The following CCDC102B variants were observed in gnomAD, a reference collection of about 807,000 sequenced individuals.
CCDC102B encodes the protein coiled-coil domain-containing protein 102B.
CCDC102B carries 75 observed loss-of-function variants against 57.4 expected under a neutral mutation model. The ratio of observed to expected loss-of-function variants is 1.31; its 90% CI spans 1.08 to 1.58. The LOEUF (loss-of-function observed/expected upper bound fraction) is 1.58. CCDC102B is among the 40% of genes most tolerant of loss of function. CCDC102B has a pLI of 0.00. For missense variants in CCDC102B, 636 were observed against 582.6 expected, an observed-to-expected ratio of 1.09 and a Z score of -0.94; for synonymous variants, 206 against 201.9, an observed-to-expected ratio of 1.02 and a Z score of -0.17.
At chr18:68,901,920 T>C (rs1013242111) in intron 6 of CCDC102B, among the ~76,000 whole-genome samples, 1 of 152,136 alleles carries the variant, frequency 6.6e-6, no homozygotes, top group African/African-American at 2.4e-5. Context: ...CTACTGTCGA[T>C]GTAAGATATA....
intron 5 of CCDC102B, among the ~76,000 whole-genome samples, chr18:68,883,242 AC>A (rs1329929057): frequency 1.3e-5 from 2 of 152,110 alleles, no homozygotes; most frequent in South Asian, 2.1e-4. Flanking sequence ...CCCAGTGTCT[AC>A]TAAAAAAAAT....
chr18:68,752,251 C>A (rs1330387385), intron 2 of CCDC102B, among the ~76,000 whole-genome samples: 1 of 151,848 alleles, frequency 6.6e-6, no homozygotes, highest in Admixed American at 6.6e-5. Context: ...CAGAGCGAGA[C>A]TCTGTCTCAA....
intron 4 of CCDC102B, among the ~76,000 whole-genome samples, chr18:68,849,658 G>C (rs912784384): frequency 3.3e-5 from 5 of 152,100 alleles, no homozygotes; most frequent in African/African-American, 1.2e-4. Flanking sequence ...TCAGTGGATA[G>C]CTGCCTTCCA....
intron 6 of CCDC102B, among the ~76,000 whole-genome samples, chr18:68,996,146 G>A (rs1346798136): frequency 1.3e-5 from 2 of 152,160 alleles, no homozygotes; most frequent in Non-Finnish European, 2.9e-5. Context: ...CAGTGGACTG[G>A]GAGAGGCAGA....
intron 1 of CCDC102B, among the ~76,000 whole-genome samples, chr18:68,832,083 G>A (rs1220054152): frequency 6.6e-6 from 1 of 151,188 alleles, no homozygotes; most frequent in Non-Finnish European, 1.5e-5. Flanking sequence ...TATTTTGTGT[G>A]CATTACAGGT....
rs114809405 is a variant in CCDC102B, at chr18:69,052,181, G to A, written c.1435-1849G>A. On this transcript the variant is annotated intron_variant, in intron 7 of 7. Transcript: ENST00000360242. ...TGGAAAAATGCCAAAATAGAGTAAT[G>A]AGCAAAAGGCCTGAATAAACATACA... Among the ~76,000 whole-genome samples, 746 of 151,816 alleles carry A rather than the reference G, an allele frequency of 4.9e-3. 5 individuals carry two copies. The highest frequency in any genetic ancestry group is 0.017 in the African/African-American group (715 of 41,480).
At chr18:68,841,661 T>C (rs1447542240) in intron 3 of CCDC102B, among the ~76,000 whole-genome samples, 1 of 152,200 alleles carries the variant, frequency 6.6e-6, no homozygotes, top group East Asian at 1.9e-4. Context: ...CTTTATCACT[T>C]GTAAAATGTT....
In CCDC102B at chr18:68,763,392, TC is replaced by T. The variant is rs150828902; in HGVS notation, c.-67+46799del. Among the ~76,000 whole-genome samples the T allele has an allele frequency of 5.7e-3, 864 of 152,262 alleles. 5 individuals carry two copies. Among genetic ancestry groups the T allele is most frequent in the East Asian group, 0.043 (224 of 5,168 alleles). ...TGCCCCTTTCTCTCTTGTATCCTTT[TC>T]ATTCCTCCCTAGAGGAGAGGATAAA... On this transcript the variant is annotated intron_variant, in intron 2 of 3. Coordinates refer to the CCDC102B transcript ENST00000578970.
chr18:68,771,097 G>T (rs983987926), intron 2 of CCDC102B, among the ~76,000 whole-genome samples: 7 of 152,180 alleles, frequency 4.6e-5, no homozygotes, highest in Non-Finnish European at 7.4e-5. Context: ...CCAGATTTGG[G>T]ATCTTGTGCC....
rs1466313514 is a variant in CCDC102B, at chr18:69,012,371, T to A, written c.1434+1267T>A. Reference sequence around the variant, plus strand: ...ACTAAATTATTGGTAAGGAAATAATTTCTTCTAGGGTTCGTGGACTAATGA... The same window carrying A: ...ACTAAATTATTGGTAAGGAAATAATATCTTCTAGGGTTCGTGGACTAATGA... On this transcript the variant is annotated intron_variant, in intron 7 of 7. Coordinates refer to ENST00000360242, the MANE Select transcript of CCDC102B (RefSeq NM_024781.3). Among the ~76,000 whole-genome samples, 7 of 152,264 alleles carry A rather than the reference T, an allele frequency of 4.6e-5. No homozygotes were observed. In the South Asian group the frequency reaches 6.2e-4, roughly 14 times the overall value.
chr18:69,054,121 A>G lies in CCDC102B; in HGVS notation c.1526A>G (p.His509Arg), dbSNP rs749460894. ...RNENLETELR[H>R]LQNW ...GAAAACTTAGAGACTGAACTCAGGCACTTGCAAAACTGGTAATTTTTTCAC... is the reference window on the plus strand; with the variant it reads ...GAAAACTTAGAGACTGAACTCAGGCGCTTGCAAAACTGGTAATTTTTTCAC... The change falls in exon 8 of 8, where the codon CAC becomes CGC. Residue 509 changes from histidine (H) to arginine (R), a missense_variant. Physicochemically the swap from His to Arg is conservative, Grantham distance 29 (BLOSUM62 0). Transcript: ENST00000360242. 3 of 1,600,892 alleles carry G rather than the reference A, an allele frequency of 1.9e-6. No homozygotes were observed. The highest frequency in any genetic ancestry group is 3.5e-5 in the Admixed American group (2 of 56,680).
chr18:68,914,945 C>G (rs1458094223), intron 6 of CCDC102B, among the ~76,000 whole-genome samples: 2 of 150,096 alleles, frequency 1.3e-5, no homozygotes, highest in African/African-American at 2.5e-5. Flanking sequence ...TGAGGACTTA[C>G]TGTATTTTTG....
At chr18:69,057,038 T>C (rs1214678104), downstream of CCDC102B, among the ~76,000 whole-genome samples, 1 of 152,078 alleles carries the variant, frequency 6.6e-6, no homozygotes, top group Non-Finnish European at 1.5e-5. Context: ...GGTTTATTCA[T>C]GTTGCATGTG....
At chr18:68,974,399 C>A (rs1361428435) in intron 6 of CCDC102B, among the ~76,000 whole-genome samples, 3 of 152,130 alleles carry the variant, frequency 2.0e-5, no homozygotes, top group Admixed American at 2.0e-4. Flanking sequence ...TATTAAATTT[C>A]TTTTCATTAT....
intron 6 of CCDC102B, among the ~76,000 whole-genome samples, chr18:68,939,513 T>C (rs969681696): frequency 5.9e-5 from 9 of 151,778 alleles, no homozygotes; most frequent in Admixed American, 3.3e-4. Context: ...TTATAAATAT[T>C]ATATTTAAAT....
chr18:69,053,416 T>C (rs957141260), intron 7 of CCDC102B, among the ~76,000 whole-genome samples: 4 of 151,600 alleles, frequency 2.6e-5, no homozygotes, highest in African/African-American at 9.7e-5. Flanking sequence ...AAAACACAAG[T>C]TATAGTTCAG....
chr18:68,994,084 T>C (rs1240158530), intron 6 of CCDC102B, among the ~76,000 whole-genome samples: 1 of 131,808 alleles, frequency 7.6e-6, no homozygotes, highest in East Asian at 2.2e-4. Context: ...ACAGTGTATA[T>C]GTTGGACATT....
chr18:68,991,989 A>C (rs2050880125), intron 6 of CCDC102B, among the ~76,000 whole-genome samples: 1 of 152,196 alleles, frequency 6.6e-6, no homozygotes, highest in African/African-American at 2.4e-5. Flanking sequence ...GATCTGGCTT[A>C]TTAGGCTTTA....
intron 7 of CCDC102B, among the ~76,000 whole-genome samples, chr18:69,016,123 A>C (rs2051660619): frequency 6.6e-6 from 1 of 151,622 alleles, no homozygotes; most frequent in Admixed American, 6.6e-5. Flanking sequence ...TCAGCCTTCC[A>C]AAGTGCTGGG....
Sources: allele counts gnomAD v4.1 joint callset (sites outside exome capture counted in the v4.1 genomes callset), GRCh38; gene constraint gnomAD v4.1.1; transcripts MANE v1.5; gene names NCBI Gene and HGNC (gene_info 2026-07-23, HGNC 2026-07-21).